NCOA3: variants seen among roughly 807,000 people sequenced by gnomAD.
The protein encoded by NCOA3 is nuclear receptor coactivator 3, also known as CBP-interacting protein.
Under a neutral mutation model 158.8 loss-of-function variants are expected in NCOA3, and 51 were observed. That is an observed-to-expected ratio of 0.32 (90% confidence interval 0.26 to 0.41). The LOEUF is 0.41. Ranked by LOEUF, NCOA3 falls within the 10% of genes least tolerant of loss-of-function variation. The pLI, the probability that NCOA3 is intolerant of heterozygous loss-of-function variation, is 1.00. For synonymous variants in NCOA3, 537 were observed against 592.4 expected, an observed-to-expected ratio of 0.91 and a Z score of 1.36; for missense variants, 1,510 against 1,746.6, an observed-to-expected ratio of 0.86 and a Z score of 2.41.
chr20:47,574,673 G>C (rs1013885307), intron 1 of NCOA3, among the ~76,000 whole-genome samples: 8 of 152,006 alleles, frequency 5.3e-5, no homozygotes, highest in Non-Finnish European at 2.9e-5. Context: ...GCCACCCTTG[G>C]TTTTTGAAAT....
intron 2 of NCOA3, among the ~76,000 whole-genome samples, chr20:47,597,779 G>A (rs1377290748): frequency 6.7e-6 from 1 of 150,260 alleles, no homozygotes; most frequent in Admixed American, 6.7e-5. Context: ...GTGAGCCACC[G>A]CACCTGGCCT....
chr20:47,545,477 T>C (rs1353275271), intron 1 of NCOA3, among the ~76,000 whole-genome samples: 1 of 152,088 alleles, frequency 6.6e-6, no homozygotes, highest in African/African-American at 2.4e-5. Flanking sequence ...GCGCCTGGCC[T>C]TTGTAATCTT....
chr20:47,514,654 AAAGT>A (rs1378670568), intron 1 of NCOA3, among the ~76,000 whole-genome samples: 1 of 151,538 alleles, frequency 6.6e-6, no homozygotes, highest in African/African-American at 2.4e-5. Context: ...TCGGCCTCCC[AAAGT>A]GCTGGGATCA....
At chr20:47,641,586 C>T (rs922546471) in intron 16 of NCOA3, among the ~76,000 whole-genome samples, 36 of 147,858 alleles carry the variant, frequency 2.4e-4, no homozygotes, top group African/African-American at 7.5e-4. Flanking sequence ...CTGCAAGCTC[C>T]GCCTCCTGGG....
At chr20:47,586,568 C>G (rs1323899459) in intron 2 of NCOA3, among the ~76,000 whole-genome samples, 3 of 152,172 alleles carry the variant, frequency 2.0e-5, no homozygotes, top group African/African-American at 4.8e-5. Flanking sequence ...GTCAGTTGAC[C>G]TAAGAAAGTC....
At chr20:47,546,412 A>G (rs1198000053) in intron 1 of NCOA3, among the ~76,000 whole-genome samples, 1 of 151,992 alleles carries the variant, frequency 6.6e-6, no homozygotes, top group Non-Finnish European at 1.5e-5. Flanking sequence ...ATCTTTTACA[A>G]TCCTAAACCG....
chr20:47,593,003 C>T (rs1286499708), intron 2 of NCOA3, among the ~76,000 whole-genome samples: 1 of 151,556 alleles, frequency 6.6e-6, no homozygotes, highest in African/African-American at 2.4e-5. Context: ...GTGTGATCTC[C>T]TCTCACTACA....
intron 1 of NCOA3, among the ~76,000 whole-genome samples, chr20:47,553,058 C>T (rs991421391): frequency 1.3e-5 from 2 of 151,780 alleles, no homozygotes; most frequent in Admixed American, 6.6e-5. Context: ...CTCAGCCTCC[C>T]GGGTAGCTGG....
intron 1 of NCOA3, among the ~76,000 whole-genome samples, chr20:47,554,741 G>A (rs3091670): frequency 0.57 from 86,086 of 151,580 alleles, 24,900 homozygotes; most frequent in Middle Eastern, 0.7. Flanking sequence ...TTCCATGCTC[G>A]TGGGTAGGAA....
At chr20:47,631,899 C>T (rs931027663) in intron 8 of NCOA3, among the ~76,000 whole-genome samples, 39 of 152,184 alleles carry the variant, frequency 2.6e-4, no homozygotes, top group Admixed American at 2.6e-3. Flanking sequence ...TGTTTTTCTA[C>T]ACTGCCACAC....
chr20:47,564,994 T>A (rs1465995559), intron 1 of NCOA3, among the ~76,000 whole-genome samples: 1 of 152,200 alleles, frequency 6.6e-6, no homozygotes, highest in African/African-American at 2.4e-5. Flanking sequence ...TGGTGGTTTT[T>A]TTTTTAGAAG....
At chr20:47,599,599 T>C (rs971834192) in intron 2 of NCOA3, among the ~76,000 whole-genome samples, 1 of 152,236 alleles carries the variant, frequency 6.6e-6, no homozygotes, top group Non-Finnish European at 1.5e-5. Flanking sequence ...CTAAGAACAC[T>C]ATGATGTCAT....
intron 1 of NCOA3, among the ~76,000 whole-genome samples, chr20:47,539,165 A>G (rs1456407326): frequency 6.6e-6 from 1 of 152,064 alleles, no homozygotes; most frequent in Non-Finnish European, 1.5e-5. Flanking sequence ...TAGAATTTGT[A>G]TGTGCTGCCA....
chr20:47,613,718 C>G (rs747854341), intron 2 of NCOA3, among the ~76,000 whole-genome samples: 1 of 151,978 alleles, frequency 6.6e-6, no homozygotes, highest in Non-Finnish European at 1.5e-5. Context: ...CAAGACCAGC[C>G]TTTCCAAGAT....
intron 1 of NCOA3, among the ~76,000 whole-genome samples, chr20:47,557,106 C>G (rs747519742): frequency 2.0e-5 from 3 of 152,082 alleles, no homozygotes; most frequent in Non-Finnish European, 4.4e-5. Flanking sequence ...CCATCTTTAC[C>G]CACTCCTGCA....
At chr20:47,649,613 G>GT (rs2086748804) in intron 19 of NCOA3, among the ~76,000 whole-genome samples, 1 of 148,962 alleles carries the variant, frequency 6.7e-6, no homozygotes, top group Non-Finnish European at 1.5e-5. Context: ...AGTATTGAGG[G>GT]GTTTTTTTAA....
intron 17 of NCOA3, among the ~76,000 whole-genome samples, chr20:47,644,462 T>C (rs1466042710): frequency 6.6e-6 from 1 of 152,086 alleles, no homozygotes; most frequent in African/African-American, 2.4e-5. Flanking sequence ...CATTCTATAT[T>C]TTGAAGTCTT....
chr20:47,560,667 T>A (rs1602403086), intron 1 of NCOA3, among the ~76,000 whole-genome samples: 1 of 152,346 alleles, frequency 6.6e-6, no homozygotes, highest in East Asian at 1.9e-4. Context: ...CATCTTCATA[T>A]GCTTATTTGC....
chr20:47,532,278 A>G (rs2084559600), intron 1 of NCOA3, among the ~76,000 whole-genome samples: 1 of 151,998 alleles, frequency 6.6e-6, no homozygotes, highest in Non-Finnish European at 1.5e-5. Context: ...TTTAGAGGGA[A>G]CTACCAGTGG....
Sources: allele counts gnomAD v4.1 joint callset (sites outside exome capture counted in the v4.1 genomes callset), GRCh38; gene constraint gnomAD v4.1.1; transcripts MANE v1.5; gene names NCBI Gene and HGNC (gene_info 2026-07-23, HGNC 2026-07-21).